The following GABPB2 variants were observed in gnomAD, a reference collection of about 807,000 sequenced individuals.
GABPB2 encodes GA-binding protein subunit beta-2.
GABPB2 carries 23 observed loss-of-function variants against 39.1 expected under a neutral mutation model. The observed-to-expected ratio is 0.59, with a 90% CI of 0.42 to 0.83. GABPB2 has a LOEUF of 0.83. Ranked by LOEUF, GABPB2 falls within the 40% of genes least tolerant of loss-of-function variation. The probability of loss-of-function intolerance (pLI) is 0.00; values close to 1 mark genes in which losing one functional copy is unlikely to be tolerated. For synonymous variants in GABPB2, 184 were observed against 199.3 expected (o/e 0.92, Z 0.65); for missense variants, 467 against 541.1 (o/e 0.86, Z 1.36).
intron 1 of GABPB2, among the ~76,000 whole-genome samples, chr1:151,082,265 T>C (rs904097309): frequency 1.3e-5 from 2 of 148,328 alleles, no homozygotes; most frequent in Admixed American, 1.3e-4. Context: ...TTAGTAGAGA[T>C]GGGGTTTCAC....
intron 1 of GABPB2, among the ~76,000 whole-genome samples, chr1:151,082,004 A>T (rs1571898649): frequency 6.7e-6 from 1 of 148,844 alleles, no homozygotes; most frequent in South Asian, 2.1e-4. Flanking sequence ...AGAGTATTAT[A>T]ATAACTTTTT....
At chr1:151,115,387 C>G (rs1680783573) in intron 7 of GABPB2, among the ~76,000 whole-genome samples, 1 of 142,414 alleles carries the variant, frequency 7.0e-6, no homozygotes, top group Admixed American at 7.7e-5. Flanking sequence ...AAGAAAGAAA[C>G]TGGCAAACTA....
intron 6 of GABPB2, among the ~76,000 whole-genome samples, chr1:151,106,187 C>A (rs1329711396): frequency 2.0e-5 from 3 of 151,730 alleles, no homozygotes; most frequent in African/African-American, 7.3e-5. Context: ...GTCTCGAACC[C>A]CTGACCTCAG....
intron 1 of GABPB2, among the ~76,000 whole-genome samples, chr1:151,071,186 G>T (rs1163948849): frequency 6.6e-6 from 1 of 152,144 alleles, no homozygotes; most frequent in Non-Finnish European, 1.5e-5. Flanking sequence ...TGGGGAGCTG[G>T]ACCAAGGGAA....
chr1:151,079,885 ACT>A (rs1677505981), intron 1 of GABPB2, among the ~76,000 whole-genome samples: 2 of 150,290 alleles, frequency 1.3e-5, no homozygotes, highest in African/African-American at 4.9e-5. Flanking sequence ...AACGAGCAAA[ACT>A]CTGTCACACA....
chr1:151,097,098 G>C (rs1679148942), intron 4 of GABPB2, among the ~76,000 whole-genome samples: 1 of 151,952 alleles, frequency 6.6e-6, no homozygotes, highest in Admixed American at 6.6e-5. Context: ...ATTTAGTAGA[G>C]ACAGGGTTTC....
At chr1:151,106,580 C>T (rs138953344) in intron 6 of GABPB2, among the ~76,000 whole-genome samples, 7,294 of 150,020 alleles carry the variant, frequency 0.049, 293 homozygotes, top group African/African-American at 0.11. Flanking sequence ...TCAAGTGATT[C>T]GCCCATCTTG....
intron 2 of GABPB2, 121 bp downstream of exon 2, chr1:151,088,418 G>A: frequency 7.8e-7 from 1 of 1,276,348 alleles, no homozygotes; most frequent in Non-Finnish European, 1.1e-6. Flanking sequence ...TCCCTTACAA[G>A]AGTTTTATTT....
chr1:151,079,511 A>G (rs974156495), intron 1 of GABPB2, among the ~76,000 whole-genome samples: 3 of 152,152 alleles, frequency 2.0e-5, no homozygotes, highest in Non-Finnish European at 4.4e-5. Flanking sequence ...ACTGCACTCC[A>G]GCCTGGGAAA....
intron 7 of GABPB2, among the ~76,000 whole-genome samples, chr1:151,116,250 G>A (rs1164693805): frequency 1.3e-5 from 2 of 152,098 alleles, no homozygotes; most frequent in Admixed American, 6.6e-5. Flanking sequence ...AATTAGCCGG[G>A]TGTAGTGGGG....
chr1:151,081,889 A>C (rs892612233), intron 1 of GABPB2, among the ~76,000 whole-genome samples: 3 of 151,802 alleles, frequency 2.0e-5, no homozygotes, highest in African/African-American at 7.3e-5. Context: ...TGCCCGCCTC[A>C]GTCTCCCAAA....
chr1:151,081,295 C>G (rs1677672414), intron 1 of GABPB2, among the ~76,000 whole-genome samples: 1 of 151,986 alleles, frequency 6.6e-6, no homozygotes, highest in South Asian at 2.1e-4. Context: ...TTGAGACCAG[C>G]CTGGACAACA....
intron 1 of GABPB2, among the ~76,000 whole-genome samples, chr1:151,076,417 G>T (rs1571880186): frequency 6.6e-6 from 1 of 152,084 alleles, no homozygotes; most frequent in East Asian, 1.9e-4. Context: ...AACAACTGAT[G>T]AGACTAGAAT....
Position 151,097,993 on chromosome 1 carries a change from A to C in GABPB2, c.613A>C (p.Thr205Pro). 1.2e-6 allele frequency: 2 copies of C among 1,613,988 alleles called. No individual in the cohort carries two copies. Among genetic ancestry groups the C allele is most frequent in the Non-Finnish European group, 1.7e-6 (2 of 1,179,946 alleles). The change falls in exon 5 of 9, where the codon ACA becomes CCA. Residue 205 changes from threonine (T) to proline (P), a missense_variant. Transcript: ENST00000368918. ...CCTTATTTCTTCAACCAACACCAAA[A>C]CAACCTCAGGTAATGTTCTGATAAC... is the stretch of plus-strand genomic sequence containing the variant. ...ASLISSTNTK[T>P]TSGDPHASTV... is the part of the protein sequence containing the mutation.
intron 1 of GABPB2, among the ~76,000 whole-genome samples, chr1:151,071,451 C>CACTTTTT (rs1464647244): frequency 9.2e-5 from 1 of 10,896 alleles, no homozygotes; most frequent in Non-Finnish European, 2.3e-4. Context: ...TGCTTTTTTG[C>CACTTTTT]TCTTTTTTTT....
rs1681226186 is a variant in GABPB2, at chr1:151,122,690, T to G, written c.*4434T>G. 6.6e-6 allele frequency: 1 copy of G among 151,990 alleles called. No individual in the cohort carries two copies. Among genetic ancestry groups the G allele is most frequent in the South Asian group, 2.1e-4 (1 of 4,814 alleles). The allele number at this position is 151,990 out of a possible 1,614,324, so 9.4% of individuals were successfully genotyped here. A position where few individuals can be genotyped will look rare whatever the true frequency, so the allele number is the denominator to read the frequency against. The stretch of plus-strand genomic sequence containing the variant: ...CCCTTCTGACTATACAGTCACCACT[T>G]TTTTGGGGGAATTCTTTAGCAGATC... On this transcript the variant is annotated 3_prime_UTR_variant, in exon 9 of 9. Coordinates refer to ENST00000368918, the MANE Select transcript of GABPB2 (RefSeq NM_144618.3).
intron 6 of GABPB2, among the ~76,000 whole-genome samples, chr1:151,106,678 G>T (rs587602806): frequency 8.5e-5 from 13 of 152,258 alleles, no homozygotes; most frequent in Admixed American, 4.6e-4. Context: ...ATCACACCCT[G>T]TTGGAAAATC....
chr1:151,090,765 G>A (rs953711800), intron 3 of GABPB2, among the ~76,000 whole-genome samples, 192 bp downstream of exon 3: 2 of 151,854 alleles, frequency 1.3e-5, no homozygotes, highest in African/African-American at 2.4e-5. Context: ...AGGCCGAGAC[G>A]GGTGGATCAC....
intron 5 of GABPB2, among the ~76,000 whole-genome samples, chr1:151,101,880 A>G (rs977621239): frequency 1.3e-5 from 2 of 152,180 alleles, no homozygotes; most frequent in African/African-American, 4.8e-5. Context: ...TTTCCCCAAC[A>G]AGGAAATATC....
Sources: gnomAD v4.1 joint callset for allele counts (sites outside exome capture counted in the v4.1 genomes callset) on GRCh38, gnomAD v4.1.1 for gene constraint, MANE v1.5 for transcripts, NCBI Gene and HGNC (gene_info 2026-07-23, HGNC 2026-07-21) for gene names.